Variants in CNTN4 observed in about 807,000 individuals in gnomAD.
The protein encoded by CNTN4 is contactin-4.
A neutral mutation model predicts 122.5 loss-of-function variants in CNTN4; 77 were observed. That is an observed-to-expected ratio of 0.63 (90% CI 0.52 to 0.76). The LOEUF (loss-of-function observed/expected upper bound fraction) is 0.76. Among genes scored for constraint, CNTN4 ranks in the 30% least tolerant of loss-of-function variants. The probability of loss-of-function intolerance (pLI) is 0.00; values close to 1 mark genes in which losing one functional copy is unlikely to be tolerated. For synonymous variants in CNTN4, 512 were observed against 447.0 expected (o/e 1.15, Z -1.83); for missense variants, 1,256 against 1,259.1 (o/e 1.00, Z 0.04).
intron 3 of CNTN4, among the ~76,000 whole-genome samples, chr3:2,395,496 A>C (rs999531412): frequency 1.3e-5 from 2 of 152,176 alleles, no homozygotes; most frequent in African/African-American, 4.8e-5. Context: ...GGTTTGTCAC[A>C]TGGGAATATT....
intron 3 of CNTN4, among the ~76,000 whole-genome samples, chr3:2,364,334 G>C (rs2045286727): frequency 6.6e-6 from 1 of 152,122 alleles, no homozygotes; most frequent in Non-Finnish European, 1.5e-5. Flanking sequence ...AAATTGGAAA[G>C]TTCCAACATA....
intron 13 of CNTN4, among the ~76,000 whole-genome samples, chr3:2,981,596 C>A (rs1044157086): frequency 3.8e-4 from 58 of 151,566 alleles, no homozygotes; most frequent in African/African-American, 1.0e-3. Context: ...AGTGGAAAAA[C>A]CGTTTTTCTA....
intron 13 of CNTN4, among the ~76,000 whole-genome samples, chr3:2,943,249 A>G (rs947501803): frequency 1.3e-5 from 2 of 152,150 alleles, no homozygotes; most frequent in African/African-American, 4.8e-5. Flanking sequence ...AGCTACAGAG[A>G]GTCTCAAGTT....
At position 2,854,268 on chromosome 3, in the gene CNTN4, C is replaced by CTTTTTTTT. The variant is rs56147510; in HGVS notation, c.455-12470_455-12463dup. 2.2e-3 allele frequency among the ~76,000 whole-genome samples: 198 copies of CTTTTTTTT among 90,032 alleles called. 3 individuals carry two copies. Among genetic ancestry groups the CTTTTTTTT allele is most frequent in the East Asian group, 3.5e-3 (11 of 3,142 alleles). 59.1% of individuals were successfully genotyped at this position (90,032 alleles called of 152,430 possible). A position where few individuals can be genotyped will look rare whatever the true frequency, so the allele number is the denominator to read the frequency against. ...TGGCATTTTATTTTTCTTTCTTCTT[C>CTTTTTTTT]TTTTTTTTTTTTTTTTTTTTTGAGA... On this transcript the variant is annotated intron_variant, in intron 7 of 24. Coordinates refer to ENST00000418658, the MANE Select transcript of CNTN4 (RefSeq NM_175607.3).
chr3:2,574,072 A>T (rs568011616), intron 4 of CNTN4, among the ~76,000 whole-genome samples: 1 of 152,186 alleles, frequency 6.6e-6, no homozygotes, highest in South Asian at 2.1e-4. Flanking sequence ...TAAAATTAGC[A>T]AGGCATGGTG....
chr3:2,274,048 A>G (rs2041402779), intron 2 of CNTN4, among the ~76,000 whole-genome samples: 1 of 152,078 alleles, frequency 6.6e-6, no homozygotes, highest in Non-Finnish European at 1.5e-5. Flanking sequence ...TCTTTCTTCA[A>G]TCTACAGAGG....
At chr3:3,042,796 G>A in intron 21 of CNTN4, 181 bp from the exon 22 acceptor site, 1 of 629,400 alleles carries the variant, frequency 1.6e-6, no homozygotes. Context: ...ACAAAAAAGG[G>A]ACCCTTCTTA....
intron 4 of CNTN4, among the ~76,000 whole-genome samples, chr3:2,573,629 T>G (rs1224031015): frequency 2.0e-5 from 3 of 152,216 alleles, no homozygotes; most frequent in Non-Finnish European, 2.9e-5. Flanking sequence ...GGGTTAAAAA[T>G]CAAGAAAGCC....
At chr3:2,994,839 A>G (rs1695387119) in intron 14 of CNTN4, among the ~76,000 whole-genome samples, 1 of 152,146 alleles carries the variant, frequency 6.6e-6, no homozygotes, top group African/African-American at 2.4e-5. Context: ...AAGGCTTTAT[A>G]CAGATTTGAC....
chr3:2,916,005 G>A (rs1171664843), intron 12 of CNTN4, among the ~76,000 whole-genome samples: 1 of 152,154 alleles, frequency 6.6e-6, no homozygotes, highest in African/African-American at 2.4e-5. Context: ...AAGTAGTGTT[G>A]TTACCAGGGG....
At chr3:2,231,447 C>G (rs1274916814) in intron 2 of CNTN4, among the ~76,000 whole-genome samples, 1 of 152,116 alleles carries the variant, frequency 6.6e-6, no homozygotes, top group Non-Finnish European at 1.5e-5. Context: ...TATTTTTAAC[C>G]TAACTGGCTA....
chr3:2,505,471 T>C (rs2076708745), intron 3 of CNTN4, among the ~76,000 whole-genome samples: 1 of 152,202 alleles, frequency 6.6e-6, no homozygotes, highest in African/African-American at 2.4e-5. Flanking sequence ...TTACATTTTA[T>C]GTGTTATTTT....
At chr3:2,099,327 G>C (rs2031692292) in intron 1 of CNTN4, 1 of 152,402 alleles carries the variant, frequency 6.6e-6, no homozygotes, top group Admixed American at 6.5e-5. Flanking sequence ...GGAACCGAGA[G>C]CCCGGAATGC....
Position 2,852,720 on chromosome 3 carries a change from C to T in CNTN4, c.455-14032C>T, listed in dbSNP as rs141369173. On this transcript the variant is annotated intron_variant, in intron 7 of 24. Transcript: ENST00000418658. ...TAAACCAAGGTTTCAAGACCATGTA[C>T]GTCTAACCCCAAGTTCTAGAGTAGA... Among the ~76,000 whole-genome samples, 516 of 152,240 alleles carry T rather than the reference C, an allele frequency of 3.4e-3. 2 individuals are homozygous for T. The highest frequency in any genetic ancestry group is 0.012 in the African/African-American group (489 of 41,540).
intron 3 of CNTN4, among the ~76,000 whole-genome samples, chr3:2,420,186 C>T (rs1019122709): frequency 1.3e-5 from 2 of 152,202 alleles, no homozygotes; most frequent in Admixed American, 6.5e-5. Flanking sequence ...CTAGTATCTG[C>T]AGGTTTGTTC....
intron 3 of CNTN4, among the ~76,000 whole-genome samples, chr3:2,525,741 A>C (rs534060697): frequency 6.6e-6 from 1 of 152,302 alleles, no homozygotes; most frequent in African/African-American, 2.4e-5. Flanking sequence ...TGGCTTTCTA[A>C]GAATATTGAA....
At chr3:2,537,807 T>C (rs1261098455) in intron 3 of CNTN4, among the ~76,000 whole-genome samples, 1 of 152,052 alleles carries the variant, frequency 6.6e-6, no homozygotes, top group Non-Finnish European at 1.5e-5. Flanking sequence ...CTTCAGTTAC[T>C]TATCCTTCTG....
chr3:2,403,662 T>C (rs894885767), intron 3 of CNTN4, among the ~76,000 whole-genome samples: 4 of 152,182 alleles, frequency 2.6e-5, no homozygotes, highest in African/African-American at 9.7e-5. Context: ...AATAATGTAC[T>C]CAAACCTGCT....
At chr3:2,433,318 A>G (rs1463046476) in intron 3 of CNTN4, among the ~76,000 whole-genome samples, 1 of 152,138 alleles carries the variant, frequency 6.6e-6, no homozygotes, top group Non-Finnish European at 1.5e-5. Flanking sequence ...TGTCTCTTCC[A>G]TAATTGTTCT....
Sources: allele counts gnomAD v4.1 joint callset (sites outside exome capture counted in the v4.1 genomes callset), GRCh38; gene constraint gnomAD v4.1.1; transcripts MANE v1.5; gene names NCBI Gene and HGNC (gene_info 2026-07-23, HGNC 2026-07-21).